DACH1: variants seen among roughly 807,000 people sequenced by gnomAD.
The protein encoded by DACH1 is dachshund family transcription factor 1.
In DACH1, 12 loss-of-function variants were observed where a neutral mutation model predicts 54.2. The observed-to-expected ratio is 0.22, with a 90% CI of 0.14 to 0.36. The LOEUF (loss-of-function observed/expected upper bound fraction) is 0.36. Among genes scored for constraint, DACH1 ranks in the 10% least tolerant of loss-of-function variants. DACH1 has a pLI of 1.00. For missense variants in DACH1, 805 were observed against 929.8 expected (o/e 0.87, Z 1.75); for synonymous variants, 386 against 366.2 (o/e 1.05, Z -0.62).
At chr13:71,629,826 GA>G (rs974241862) in intron 3 of DACH1, among the ~76,000 whole-genome samples, 3 of 151,866 alleles carry the variant, frequency 2.0e-5, no homozygotes, top group East Asian at 1.9e-4. Flanking sequence ...TGCAATAGCA[GA>G]AAAAAAATGT....
intron 1 of DACH1, among the ~76,000 whole-genome samples, chr13:71,714,275 C>T (rs2138785908): frequency 6.6e-6 from 1 of 151,896 alleles, no homozygotes; most frequent in East Asian, 1.9e-4. Flanking sequence ...TAGAATTTTG[C>T]CCCCATATAA....
In DACH1 at chr13:71,582,004, T is replaced by C. The variant is rs367950294; in HGVS notation, c.1127-8992A>G. On this transcript the variant is annotated intron_variant, in intron 3 of 10. Coordinates refer to ENST00000613252, the MANE Select transcript of DACH1 (RefSeq NM_080759.6). ...GACTGAAATTTGGAAGAAAAGGAGATGCCCAGTGAGGAAGATTTGGAAGTC... is the reference window on the plus strand; with the variant it reads ...GACTGAAATTTGGAAGAAAAGGAGACGCCCAGTGAGGAAGATTTGGAAGTC... Among the ~76,000 whole-genome samples the C allele has an allele frequency of 2.0e-5, 3 of 152,256 alleles. 1 individual carries two copies. The highest frequency in any genetic ancestry group is 7.2e-5 in the African/African-American group (3 of 41,568).
chr13:71,741,794 T>C (rs975016429), intron 1 of DACH1, among the ~76,000 whole-genome samples: 3 of 152,118 alleles, frequency 2.0e-5, no homozygotes, highest in African/African-American at 7.2e-5. Context: ...TTCTGGCACA[T>C]AAGGACAAAA....
intron 2 of DACH1, among the ~76,000 whole-genome samples, chr13:71,637,906 T>C (rs566566592): frequency 1.4e-4 from 21 of 152,178 alleles, no homozygotes; most frequent in Non-Finnish European, 2.6e-4. Context: ...GATCTGTTTG[T>C]TTGCTCATTA....
chr13:71,645,754 T>C (rs1878220278), intron 2 of DACH1, among the ~76,000 whole-genome samples: 1 of 152,244 alleles, frequency 6.6e-6, no homozygotes, highest in Admixed American at 6.5e-5. Flanking sequence ...TGCAGTAATG[T>C]AGCAAATACT....
At chr13:71,467,920 A>G (rs1876735850) in intron 10 of DACH1, among the ~76,000 whole-genome samples, 1 of 152,146 alleles carries the variant, frequency 6.6e-6, no homozygotes, top group Non-Finnish European at 1.5e-5. Flanking sequence ...TAAATGACTA[A>G]TCAATAGTCA....
chr13:71,839,335 C>T (rs1204559352), intron 1 of DACH1, among the ~76,000 whole-genome samples: 4 of 152,010 alleles, frequency 2.6e-5, no homozygotes, highest in Non-Finnish European at 4.4e-5. Flanking sequence ...TTAAAACTCA[C>T]GGTGGCTCAC....
intron 2 of DACH1, among the ~76,000 whole-genome samples, chr13:71,680,491 C>T (rs1880834744): frequency 6.6e-6 from 1 of 152,100 alleles, no homozygotes; most frequent in South Asian, 2.1e-4. Context: ...GTAGTTATAG[C>T]TACTCAGAAG....
chr13:71,741,481 AG>A (rs1276989276), intron 1 of DACH1, among the ~76,000 whole-genome samples: 2 of 152,168 alleles, frequency 1.3e-5, no homozygotes, highest in Non-Finnish European at 2.9e-5. Flanking sequence ...ACATTTTATT[AG>A]GGGAAAATCC....
At position 71,809,832 on chromosome 13, in the gene DACH1, G is replaced by A. The variant is rs562253412; in HGVS notation, c.848+56090C>T. Among the ~76,000 whole-genome samples, 24 of 152,252 alleles carry A rather than the reference G, an allele frequency of 1.6e-4. No individual in the cohort carries two copies. The East Asian group carries it at 4.1e-3, about 26-fold the overall frequency. Reference sequence around the variant, plus strand: ...AAAATTAACTAATATGAAGGTCTCAGTTCTAAAGGAAGCTAAACAGGTAAA... The same window carrying A: ...AAAATTAACTAATATGAAGGTCTCAATTCTAAAGGAAGCTAAACAGGTAAA... On this transcript the variant is annotated intron_variant, in intron 1 of 10. Coordinates refer to ENST00000613252, the MANE Select transcript of DACH1 (RefSeq NM_080759.6).
At chr13:71,604,183 A>G (rs1874715623) in intron 3 of DACH1, among the ~76,000 whole-genome samples, 1 of 151,960 alleles carries the variant, frequency 6.6e-6, no homozygotes, top group South Asian at 2.1e-4. Flanking sequence ...TTCAGTGATT[A>G]TTGATATTTT....
intron 6 of DACH1, among the ~76,000 whole-genome samples, chr13:71,516,342 AT>A (rs965667027): frequency 6.0e-5 from 9 of 149,910 alleles, no homozygotes; most frequent in African/African-American, 7.4e-5. Flanking sequence ...CTTTCCTTTT[AT>A]TTTTTTTTCT....
chr13:71,440,160 T>C lies in DACH1; in HGVS notation c.*495A>G, dbSNP rs1873887740. 6.6e-6 allele frequency: 1 copy of C among 152,390 alleles called. No individual in the cohort carries two copies. The highest frequency in any genetic ancestry group is 6.6e-5 in the Admixed American group (1 of 15,220). The allele number at this position is 152,390 out of a possible 1,614,324, so 9.4% of individuals were successfully genotyped here. A position where few individuals can be genotyped will look rare whatever the true frequency, so the allele number is the denominator to read the frequency against. On this transcript the variant is annotated 3_prime_UTR_variant, in exon 11 of 11. Transcript: ENST00000613252. Reference sequence around the variant, plus strand: ...GTAACAGAAAATCACTCTTGCATTTTTTTTTTTCAAGAATCCTCTATGCCC... The same window carrying C: ...GTAACAGAAAATCACTCTTGCATTTCTTTTTTTCAAGAATCCTCTATGCCC...
chr13:71,706,459 C>T (rs1882451983), intron 1 of DACH1, among the ~76,000 whole-genome samples: 1 of 151,942 alleles, frequency 6.6e-6, no homozygotes, highest in African/African-American at 2.4e-5. Flanking sequence ...AACAATAAGA[C>T]ATAATTTCCC....
intron 6 of DACH1, among the ~76,000 whole-genome samples, chr13:71,542,111 A>G (rs993661554): frequency 2.0e-5 from 3 of 151,762 alleles, no homozygotes; most frequent in Non-Finnish European, 4.4e-5. Flanking sequence ...TTAGCTGGGC[A>G]TGGCAGTGGG....
At chr13:71,742,715 T>C (rs1884447350) in intron 1 of DACH1, among the ~76,000 whole-genome samples, 1 of 152,174 alleles carries the variant, frequency 6.6e-6, no homozygotes, top group Non-Finnish European at 1.5e-5. Context: ...TTCTTCATCT[T>C]ATACATTTTT....
intron 7 of DACH1, 80 bp downstream of exon 7, chr13:71,488,917 G>C: frequency 1.5e-6 from 2 of 1,352,884 alleles, no homozygotes; most frequent in Non-Finnish European, 2.0e-6. Context: ...GATTAAGTAG[G>C]AACAGTATAA....
chr13:71,794,089 TA>T (rs1484332901), intron 1 of DACH1, among the ~76,000 whole-genome samples: 1 of 152,128 alleles, frequency 6.6e-6, no homozygotes, highest in East Asian at 1.9e-4. Flanking sequence ...ATAAAGTAGT[TA>T]AGTTACTTTC....
intron 2 of DACH1, among the ~76,000 whole-genome samples, chr13:71,664,010 TA>T (rs1236034978): frequency 2.0e-5 from 3 of 151,696 alleles, no homozygotes; most frequent in Admixed American, 1.3e-4. Context: ...AATGCTATTG[TA>T]AAAAAAATCT....
Sources: allele counts gnomAD v4.1 joint callset (sites outside exome capture counted in the v4.1 genomes callset), GRCh38; gene constraint gnomAD v4.1.1; transcripts MANE v1.5; gene names NCBI Gene and HGNC (gene_info 2026-07-23, HGNC 2026-07-21).